The following CELF2 variants were observed in gnomAD, a reference collection of about 807,000 sequenced individuals.
The protein encoded by CELF2 is CUG triplet repeat RNA-binding protein 2.
In CELF2, 8 loss-of-function variants were observed where a neutral mutation model predicts 62.6. The ratio of observed to expected loss-of-function variants is 0.13; its 90% CI spans 0.07 to 0.23. CELF2 has a LOEUF of 0.23. Among genes scored for constraint, CELF2 ranks in the 10% least tolerant of loss-of-function variants. CELF2 has a pLI of 1.00. For missense variants in CELF2, 333 were observed against 671.0 expected, an observed-to-expected ratio of 0.50 and a Z score of 5.56; for synonymous variants, 258 against 250.0, an observed-to-expected ratio of 1.03 and a Z score of -0.30.
chr10:10,975,865 C>T (rs201092), intron 2 of CELF2, among the ~76,000 whole-genome samples: 17,210 of 152,208 alleles, frequency 0.11, 3,288 homozygotes, highest in African/African-American at 0.39. Flanking sequence ...GCACAGCTGA[C>T]TCATAGGCAA....
the CELF2 span, among the ~76,000 whole-genome samples, chr10:10,572,114 T>G: frequency 6.6e-6 from 1 of 152,146 alleles, no homozygotes; most frequent in Non-Finnish European, 1.5e-5. Flanking sequence ...TATTAGTCCC[T>G]GAGAGAGTCT....
the CELF2 span, among the ~76,000 whole-genome samples, chr10:10,773,206 T>C: frequency 6.6e-6 from 1 of 152,208 alleles, no homozygotes; most frequent in Non-Finnish European, 1.5e-5. Flanking sequence ...CCTTTTATAT[T>C]GACCCACCTT....
chr10:10,828,009 A>AAAAG lies in CELF2; in HGVS notation c.53+29195_53+29196insGAAA, dbSNP rs1475081453. On this transcript the variant is annotated intron_variant, in intron 1 of 13. Coordinates refer to the CELF2 transcript ENST00000636488. ...TCAGGAAGGCTAGTCTTAAAAAAAA[A>AAAAG]AAAAAAAAAAAAAAAGCAGAAAATA... Among the ~76,000 whole-genome samples, 20 of 149,188 alleles carry AAAAG rather than the reference A, an allele frequency of 1.3e-4. No homozygotes were observed. The East Asian group carries it at 3.8e-3, about 28-fold the overall frequency.
chr10:11,324,638 G>A lies in CELF2; in HGVS notation c.1295-1198G>A, dbSNP rs2095628733. On this transcript the variant is annotated intron_variant, in intron 11 of 12. Coordinates refer to ENST00000633077, the MANE Select transcript of CELF2 (RefSeq NM_001326342.2). The surrounding 1 kb of genome is among the most constrained non-coding windows in gnomAD (Gnocchi z 4.7). ...TAGTTTGCCTCAAGAAGTTTTCTTT[G>A]TGAAAAGTCCCAATCATTAGGATAC... 6.6e-6 allele frequency among the ~76,000 whole-genome samples: 1 copy of A among 152,214 alleles called. No homozygotes were observed. Among genetic ancestry groups the A allele is most frequent in the African/African-American group, 2.4e-5 (1 of 41,448 alleles).
At chr10:10,944,330 G>A (rs1249809507) in intron 2 of CELF2, 1 of 152,630 alleles carries the variant, frequency 6.6e-6, no homozygotes, top group African/African-American at 2.4e-5. Context: ...TTGACCTGCA[G>A]AAAATATTTT....
chr10:10,833,925 A>C (rs1032346846), intron 1 of CELF2, among the ~76,000 whole-genome samples: 1 of 152,202 alleles, frequency 6.6e-6, no homozygotes, highest in Admixed American at 6.5e-5. Context: ...ACACTTAAAA[A>C]CTGAACTACC....
chr10:11,113,706 C>G (rs528889646), intron 1 of CELF2, among the ~76,000 whole-genome samples: 1 of 152,168 alleles, frequency 6.6e-6, no homozygotes, highest in Non-Finnish European at 1.5e-5. Flanking sequence ...TTATTAAATA[C>G]GACAGTCCAC....
chr10:11,188,476 C>CATTG, intron 2 of CELF2, among the ~76,000 whole-genome samples: 1 of 152,296 alleles, frequency 6.6e-6, no homozygotes, highest in Middle Eastern at 3.4e-3. Flanking sequence ...ATGTTAAAGA[C>CATTG]ATTGCTTCAC....
At chr10:10,603,892 A>T in the CELF2 span, among the ~76,000 whole-genome samples, 1 of 152,204 alleles carries the variant, frequency 6.6e-6, no homozygotes, top group Admixed American at 6.5e-5. Context: ...CTTCAGATAT[A>T]TAACTAAAAT....
intron 1 of CELF2, among the ~76,000 whole-genome samples, chr10:11,128,597 C>A (rs2131733838): frequency 6.6e-6 from 1 of 152,188 alleles, no homozygotes; most frequent in East Asian, 1.9e-4. Flanking sequence ...CTTCACATCC[C>A]TTGTAATTTG....
At chr10:10,627,754 C>G in the CELF2 span, among the ~76,000 whole-genome samples, 1 of 152,322 alleles carries the variant, frequency 6.6e-6, no homozygotes, top group African/African-American at 2.4e-5. Flanking sequence ...AGCTTCTACA[C>G]TTTTCATTAA....
chr10:10,923,611 A>G (rs1443440946), intron 2 of CELF2, among the ~76,000 whole-genome samples: 1 of 152,236 alleles, frequency 6.6e-6, no homozygotes, highest in Non-Finnish European at 1.5e-5. Flanking sequence ...GTGTTTTTGA[A>G]TTCTTGCCAT....
chr10:11,039,008 A>G lies in CELF2; in HGVS notation c.74+20845A>G, dbSNP rs1012844806. 1.3e-5 allele frequency among the ~76,000 whole-genome samples: 2 copies of G among 152,170 alleles called. No individual in the cohort carries two copies. Among genetic ancestry groups the G allele is most frequent in the African/African-American group, 4.8e-5 (2 of 41,436 alleles). ...GTCTTCTTGTTTCATCCCCTCAACC[A>G]TCCACCACCCTAAGCCAAGTGCGCC... On this transcript the variant is annotated intron_variant, in intron 1 of 12. Transcript: ENST00000633077. The surrounding 1 kb of genome is among the most constrained non-coding windows in gnomAD (Gnocchi z 4.1).
At chr10:11,154,168 ATAATTCTACTTTTAT>A (rs2063854389) in intron 1 of CELF2, among the ~76,000 whole-genome samples, 1 of 152,256 alleles carries the variant, frequency 6.6e-6, no homozygotes, top group East Asian at 1.9e-4. Flanking sequence ...AATTTAGCAC[ATAATTCTACTTTTAT>A]TTGTTTAGGG....
chr10:11,007,232 A>G (rs567982636), intron 1 of CELF2, among the ~76,000 whole-genome samples: 3 of 152,334 alleles, frequency 2.0e-5, no homozygotes, highest in African/African-American at 4.8e-5. Flanking sequence ...TTTAGTTGTA[A>G]ATATTCCCTA....
chr10:10,662,037 G>A, the CELF2 span, among the ~76,000 whole-genome samples: 49 of 152,030 alleles, frequency 3.2e-4, no homozygotes, highest in African/African-American at 1.1e-3. Context: ...GGAGAGTTGC[G>A]GGGGGTGGAG....
rs1491235252 is a variant in CELF2 at position 10,939,275 on chromosome 10, TGG to T, written c.89+19277_89+19278del. Among the ~76,000 whole-genome samples, 51 of 113,444 alleles carry T rather than the reference TGG, an allele frequency of 4.5e-4. No homozygotes were observed. In the East Asian group the frequency reaches 6.1e-3, roughly 14 times the overall value. The allele number at this position is 113,444 out of a possible 152,430, so 74.4% of individuals were successfully genotyped here. ...ATAATTAGCAAGTTCTTTTGTTTTG[TGG>T]TGTTGTTGTTGTTGTTGTTGTTGTT... On this transcript the variant is annotated intron_variant, in intron 2 of 13. Transcript: ENST00000636488.
chr10:10,672,774 TC>T, the CELF2 span, among the ~76,000 whole-genome samples: 1 of 152,172 alleles, frequency 6.6e-6, no homozygotes, highest in South Asian at 2.1e-4. Context: ...TGTTGGCAAT[TC>T]TGGGCCTTTT....
intron 2 of CELF2, among the ~76,000 whole-genome samples, chr10:10,920,599 C>T: frequency 6.6e-6 from 1 of 151,798 alleles, no homozygotes; most frequent in East Asian, 1.9e-4. Flanking sequence ...ATATTTATGT[C>T]AGTATATTAA....
Sources: gnomAD v4.1 joint callset for allele counts (sites outside exome capture counted in the v4.1 genomes callset) on GRCh38, gnomAD v4.1.1 for gene constraint, Gnocchi (gnomAD v3.1) non-coding constraint, MANE v1.5 for transcripts, NCBI Gene and HGNC (gene_info 2026-07-23, HGNC 2026-07-21) for gene names.